Variants in ANKRD30A observed in about 807,000 individuals in gnomAD.
The protein encoded by ANKRD30A is ankyrin repeat domain 30A.
A neutral mutation model predicts 166.3 loss-of-function variants in ANKRD30A; 170 were observed. The observed-to-expected ratio is 1.02, with a 90% confidence interval of 0.90 to 1.16. The LOEUF (loss-of-function observed/expected upper bound fraction) is 1.16, where lower values mean the gene tolerates loss of function less well. Ranked by LOEUF, ANKRD30A falls within the 50% of genes most tolerant of loss-of-function variation. The probability of loss-of-function intolerance (pLI) is 0.00; values close to 1 mark genes in which losing one functional copy is unlikely to be tolerated. For missense variants in ANKRD30A, 1,630 were observed against 1,518.0 expected (o/e 1.07, Z -1.23); for synonymous variants, 564 against 508.9 (o/e 1.11, Z -1.46).
At chr10:37,203,253 C>T (rs1367129944) in intron 31 of ANKRD30A, among the ~76,000 whole-genome samples, 7 of 152,112 alleles carry the variant, frequency 4.6e-5, no homozygotes, top group African/African-American at 9.7e-5. Context: ...ACTGGCAAAC[C>T]GAATCCAGCA....
rs190695274 is a variant in ANKRD30A at position 37,215,924 on chromosome 10, C to T, written c.2870-257C>T. Among the ~76,000 whole-genome samples, 12 of 151,406 alleles carry T rather than the reference C, an allele frequency of 7.9e-5. No individual in the cohort carries two copies. The East Asian group carries it at 2.3e-3, about 30-fold the overall frequency. ...GGCCTAGTATATATCTTATTCTTAG[C>T]AATCTGTTTTCTTACAGTATCTATC... is the stretch of plus-strand genomic sequence containing the variant. On this transcript the variant is annotated intron_variant, in intron 31 of 35. Transcript: ENST00000361713.
chr10:37,138,641 A>G, intron 6 of ANKRD30A, among the ~76,000 whole-genome samples: 1 of 152,202 alleles, frequency 6.6e-6, no homozygotes, highest in East Asian at 1.9e-4. Flanking sequence ...TTGAAGATCA[A>G]ATGAATGAAA....
At chr10:37,212,676 G>A (rs1021552385) in intron 31 of ANKRD30A, among the ~76,000 whole-genome samples, 2 of 151,956 alleles carry the variant, frequency 1.3e-5, no homozygotes, top group Non-Finnish European at 1.5e-5. Flanking sequence ...CAGAGATATA[G>A]ACCAATGGAA....
intron 31 of ANKRD30A, among the ~76,000 whole-genome samples, chr10:37,212,398 C>G (rs187660065): frequency 6.6e-6 from 1 of 151,954 alleles, no homozygotes; most frequent in Non-Finnish European, 1.5e-5. Context: ...GAACATTCCA[C>G]GCTTATGGGT....
At position 37,208,142 on chromosome 10, in the gene ANKRD30A, C is replaced by A. The variant is rs143066921; in HGVS notation, c.2869+6817C>A. Among the ~76,000 whole-genome samples, 249 of 152,226 alleles carry A rather than the reference C, an allele frequency of 1.6e-3. 4 individuals carry two copies. Among genetic ancestry groups the A allele is most frequent in the Non-Finnish European group, 2.8e-4 (19 of 68,014 alleles). ...GATAAGGAAGCAGAGCCATTCATGA[C>A]CACTCAGGACATAGAACTGATGCTG... On this transcript the variant is annotated intron_variant, in intron 31 of 35. Transcript: ENST00000361713.
At chr10:37,196,520 T>G (rs766679674) in intron 27 of ANKRD30A, among the ~76,000 whole-genome samples, 17 of 152,188 alleles carry the variant, frequency 1.1e-4, no homozygotes, top group Non-Finnish European at 2.4e-4. Context: ...GTAAAAATAC[T>G]GAATTTATAC....
At chr10:37,231,815 GA>G in intron 35 of ANKRD30A, 135 bp downstream of exon 35, 1 of 174,286 alleles carries the variant, frequency 5.7e-6, no homozygotes, top group Non-Finnish European at 1.2e-5. Context: ...AACAAAGAAA[GA>G]AAACAGAAAT....
intron 14 of ANKRD30A, 39 bp from the exon 15 acceptor site, chr10:37,158,475 A>T: frequency 5.6e-6 from 9 of 1,613,226 alleles, no homozygotes; most frequent in Non-Finnish European, 7.6e-6. Flanking sequence ...TATGAAGTAT[A>T]CATTGTATAT....
chr10:37,161,738 G>A (rs1161461660), intron 15 of ANKRD30A, among the ~76,000 whole-genome samples: 3 of 152,034 alleles, frequency 2.0e-5, no homozygotes, highest in Non-Finnish European at 2.9e-5. Context: ...GTTGCTGTTC[G>A]CTATACAAAT....
At position 37,125,751 on chromosome 10, in the gene ANKRD30A, G is replaced by A. The variant is rs61866717; in HGVS notation, c.-37G>A. 39 of 581,410 alleles carry A rather than the reference G, an allele frequency of 6.7e-5. No individual in the cohort carries two copies. The highest frequency in any genetic ancestry group is 6.4e-4 in the African/African-American group (34 of 53,326). The allele number at this position is 581,410 out of a possible 1,614,324, so 36.0% of individuals were successfully genotyped here. ...GGGGTGGTGGCTGGGAAGGGCGATC[G>A]GGAGGCGCGGGCACTCTCTAGCAGG... On this transcript the variant is annotated 5_prime_UTR_variant, in exon 1 of 36. Coordinates refer to ENST00000361713, the MANE Select transcript of ANKRD30A (RefSeq NM_052997.3).
chr10:37,248,188 G>C, the ANKRD30A span: 27 of 634,522 alleles, frequency 4.3e-5, no homozygotes, highest in East Asian at 1.0e-3. Context: ...AGCATGCTCA[G>C]GTTTCCCCAG....
chr10:37,218,649 G>A (rs941955168), intron 33 of ANKRD30A, among the ~76,000 whole-genome samples: 7 of 150,658 alleles, frequency 4.6e-5, no homozygotes, highest in African/African-American at 1.7e-4. Context: ...CCCAATTTTC[G>A]TATGTAGTCA....
At chr10:37,248,434 C>G in the ANKRD30A span, among the ~76,000 whole-genome samples, 1 of 152,190 alleles carries the variant, frequency 6.6e-6, no homozygotes, top group Admixed American at 6.5e-5. Flanking sequence ...GATGAGTTCA[C>G]GCCACATGGG....
At chr10:37,215,591 A>C (rs1293830964) in intron 31 of ANKRD30A, among the ~76,000 whole-genome samples, 1 of 151,496 alleles carries the variant, frequency 6.6e-6, no homozygotes, top group Non-Finnish European at 1.5e-5. Context: ...CAAAGCAGGA[A>C]GCTGAAACAT....
intron 11 of ANKRD30A, 110 bp from the exon 12 acceptor site, chr10:37,151,950 C>A: frequency 1.1e-6 from 1 of 919,634 alleles, no homozygotes; most frequent in Admixed American, 2.6e-5. Context: ...AATATACGGG[C>A]CACAGAGGAA....
At chr10:37,203,407 C>T (rs1048077483) in intron 31 of ANKRD30A, among the ~76,000 whole-genome samples, 8 of 152,166 alleles carry the variant, frequency 5.3e-5, no homozygotes, top group African/African-American at 1.9e-4. Context: ...TCAATAGATG[C>T]AGAAAAGGCC....
At position 37,219,381 on chromosome 10, in the gene ANKRD30A, C is replaced by T; in HGVS notation, c.3669C>T (p.Phe1223=). 1 of 1,610,564 alleles carries T rather than the reference C, an allele frequency of 6.2e-7. No homozygotes were observed. The highest frequency in any genetic ancestry group is 1.7e-4 in the Middle Eastern group (1 of 6,042). ...CAAGAAAAAGTCAAGAACCTGCTTT[C>T]CACATTGCAGGAGATGCTTGTTTGC... The part of the protein sequence containing the change: ...VTSRKSQEPA[F]HIAGDACLQR... The change falls in exon 34 of 36, where the codon TTC becomes TTT. Residue 1223 remains phenylalanine (F), a synonymous_variant. Coordinates refer to ENST00000361713, the MANE Select transcript of ANKRD30A (RefSeq NM_052997.3).
At chr10:37,151,104 A>C (rs111728438) in intron 11 of ANKRD30A, among the ~76,000 whole-genome samples, 1 of 150,584 alleles carries the variant, frequency 6.6e-6, no homozygotes, top group Non-Finnish European at 1.5e-5. Context: ...CCAGGTATAC[A>C]GTTGATGGAT....
intron 15 of ANKRD30A, among the ~76,000 whole-genome samples, chr10:37,159,478 A>T (rs1426703066): frequency 6.6e-6 from 1 of 152,130 alleles, no homozygotes; most frequent in Non-Finnish European, 1.5e-5. Flanking sequence ...TCCTTTTGCC[A>T]CTTTAGCTTG....
Sources: allele counts gnomAD v4.1 joint callset (sites outside exome capture counted in the v4.1 genomes callset), GRCh38; gene constraint gnomAD v4.1.1; transcripts MANE v1.5; gene names NCBI Gene and HGNC (gene_info 2026-07-23, HGNC 2026-07-21).